NXN: variants seen among roughly 807,000 people sequenced by gnomAD.
NXN encodes nucleoredoxin 1.
A neutral mutation model predicts 48.6 loss-of-function variants in NXN; 16 were observed. The observed-to-expected ratio is 0.33, with a 90% CI of 0.22 to 0.50. The LOEUF (loss-of-function observed/expected upper bound fraction) is 0.50. NXN is among the 20% of genes least tolerant of loss of function. NXN has a pLI of 0.98. For missense variants in NXN, 492 were observed against 605.5 expected (o/e 0.81, Z 1.97); for synonymous variants, 281 against 269.6 (o/e 1.04, Z -0.41).
chr17:801,859 G>C (rs1378439928), intron 7 of NXN, among the ~76,000 whole-genome samples: 1 of 152,238 alleles, frequency 6.6e-6, no homozygotes, highest in Non-Finnish European at 1.5e-5. Context: ...TTTTTAAACA[G>C]AGACAGCTCG....
In NXN at chr17:825,001, G is replaced by A. The variant is rs1351784400; in HGVS notation, c.478+960C>T. 1.3e-5 allele frequency among the ~76,000 whole-genome samples: 2 copies of A among 152,160 alleles called. No individual in the cohort carries two copies. The highest frequency in any genetic ancestry group is 4.8e-5 in the African/African-American group (2 of 41,438). ...TCCCAGCACTTTGGGAGGCCGAGGT[G>A]GGCGGATTGCTTGAGCTCAAAAGTT... is the stretch of plus-strand genomic sequence containing the variant. On this transcript the variant is annotated intron_variant, in intron 2 of 7. Coordinates refer to ENST00000336868, the MANE Select transcript of NXN (RefSeq NM_022463.5). This position sits in a 1 kb window ranked among gnomAD's most constrained non-coding sequence, Gnocchi z 4.1.
chr17:900,837 G>A (rs930697874), intron 1 of NXN, among the ~76,000 whole-genome samples: 2 of 151,936 alleles, frequency 1.3e-5, no homozygotes, highest in Admixed American at 6.6e-5. Flanking sequence ...CAATCTGCAG[G>A]GCTGGAAGCA....
intron 1 of NXN, among the ~76,000 whole-genome samples, chr17:852,633 G>C (rs535902815): frequency 6.6e-6 from 1 of 152,196 alleles, no homozygotes; most frequent in Non-Finnish European, 1.5e-5. Flanking sequence ...GCAGAAAGTA[G>C]GGCTGGGTGG....
intron 1 of NXN, among the ~76,000 whole-genome samples, chr17:880,735 G>C (rs1412262481): frequency 2.6e-5 from 4 of 152,118 alleles, no homozygotes; most frequent in Admixed American, 2.0e-4. Context: ...TTCTCCTAAG[G>C]GGGCAGGGCT....
chr17:967,753 C>T (rs1021896741), intron 1 of NXN, among the ~76,000 whole-genome samples: 10 of 152,076 alleles, frequency 6.6e-5, no homozygotes, highest in South Asian at 2.1e-4. Flanking sequence ...AGGTGGATCA[C>T]GAGGTCAGGA....
At chr17:828,442 C>T (rs1913259801) in intron 1 of NXN, among the ~76,000 whole-genome samples, 1 of 141,658 alleles carries the variant, frequency 7.1e-6, no homozygotes, top group Non-Finnish European at 1.5e-5. Flanking sequence ...TACTCTGTCA[C>T]CCAGGCTAGA....
chr17:912,211 T>C (rs1464057427), intron 1 of NXN, among the ~76,000 whole-genome samples: 1 of 152,138 alleles, frequency 6.6e-6, no homozygotes, highest in African/African-American at 2.4e-5. Flanking sequence ...GTGCTGGGCT[T>C]ATAAGCGTGA....
intron 1 of NXN, among the ~76,000 whole-genome samples, chr17:910,372 G>A (rs920507896): frequency 1.3e-5 from 2 of 150,794 alleles, no homozygotes; most frequent in Non-Finnish European, 2.9e-5. Context: ...AGATCGCGCC[G>A]CTGCACTCCA....
At position 823,377 on chromosome 17, in the gene NXN, T is replaced by C. The variant is rs557901424; in HGVS notation, c.612+255A>G. 6.9e-4 allele frequency among the ~76,000 whole-genome samples: 104 copies of C among 149,928 alleles called. 5 individuals are homozygous for C. The South Asian group carries it at 0.022, about 31-fold the overall frequency. On this transcript the variant is annotated intron_variant, in intron 3 of 7. Transcript: ENST00000336868. The stretch of plus-strand genomic sequence containing the variant: ...TCGCGCCACTGCACTCCAGCCTGGG[T>C]AACAGAGCGAGACTCTGGCTCAGAA...
intron 1 of NXN, among the ~76,000 whole-genome samples, chr17:918,150 T>C (rs1455841978): frequency 6.6e-6 from 1 of 152,108 alleles, no homozygotes; most frequent in Non-Finnish European, 1.5e-5. Context: ...GAACACTCAA[T>C]ATCACCTCCC....
intron 1 of NXN, among the ~76,000 whole-genome samples, chr17:831,559 C>T (rs534570393): frequency 6.6e-6 from 1 of 151,944 alleles, no homozygotes; most frequent in Non-Finnish European, 1.5e-5. Flanking sequence ...CCTCCGCTCA[C>T]TGCAACCTCC....
chr17:810,525 A>G (rs12453831), intron 5 of NXN, among the ~76,000 whole-genome samples: 80,853 of 152,060 alleles, frequency 0.53, 22,099 homozygotes, highest in East Asian at 0.71. Context: ...ACCAATGCCC[A>G]GAATCTGTTC....
chr17:947,876 T>C (rs755093513), intron 1 of NXN, among the ~76,000 whole-genome samples: 41 of 86,980 alleles, frequency 4.7e-4, no homozygotes, highest in Non-Finnish European at 1.1e-3. Flanking sequence ...CCGTCTCTAC[T>C]GAAATACAAA....
At chr17:812,932 G>T (rs1052202047) in intron 5 of NXN, among the ~76,000 whole-genome samples, 1 of 150,468 alleles carries the variant, frequency 6.6e-6, no homozygotes, top group African/African-American at 2.4e-5. Context: ...GTGCGTGTGT[G>T]AGTGTGCATA....
In NXN at chr17:864,373, G is replaced by C. The variant is rs142890911; in HGVS notation, c.361-38295C>G. On this transcript the variant is annotated intron_variant, in intron 1 of 7. Transcript: ENST00000336868. ...CTTAAATTTGCCAAAACGTAGGGGA[G>C]TGCTAGCTTAGATCCATCTGTGTTC... Among the ~76,000 whole-genome samples, 864 of 152,348 alleles carry C rather than the reference G, an allele frequency of 5.7e-3. 7 individuals carry two copies. The highest frequency in any genetic ancestry group is 0.02 in the African/African-American group (828 of 41,574).
rs2069199460 is a variant in NXN, at chr17:958,663, C to A, written c.360+20656G>T. ...GCGTGCGCCTGTAGTCCCAGCTACT[C>A]AGGAGGCTGAGGCAGGAGAATCACC... On this transcript the variant is annotated intron_variant, in intron 1 of 7. Transcript: ENST00000336868. This position sits in a 1 kb window ranked among gnomAD's most constrained non-coding sequence, Gnocchi z 6.9. 6.6e-6 allele frequency among the ~76,000 whole-genome samples: 1 copy of A among 152,082 alleles called. No individual in the cohort carries two copies. Among genetic ancestry groups the A allele is most frequent in the South Asian group, 2.1e-4 (1 of 4,828 alleles).
At chr17:827,511 T>C (rs1913187285) in intron 1 of NXN, among the ~76,000 whole-genome samples, 1 of 152,156 alleles carries the variant, frequency 6.6e-6, no homozygotes, top group Non-Finnish European at 1.5e-5. Context: ...TAGTCCCAGC[T>C]ACTCGGGAGG....
At chr17:936,408 C>G (rs1209482615) in intron 1 of NXN, among the ~76,000 whole-genome samples, 3 of 151,938 alleles carry the variant, frequency 2.0e-5, no homozygotes, top group African/African-American at 7.3e-5. Context: ...TGAGTGTGCA[C>G]CACACACAAC....
At chr17:949,775 G>C (rs1251765052) in intron 1 of NXN, among the ~76,000 whole-genome samples, 3 of 150,988 alleles carry the variant, frequency 2.0e-5, no homozygotes, top group Non-Finnish European at 4.4e-5. Flanking sequence ...GCCTCAGTCT[G>C]GAAAGGGGCA....
Sources: allele counts gnomAD v4.1 joint callset (sites outside exome capture counted in the v4.1 genomes callset), GRCh38; gene constraint gnomAD v4.1.1; non-coding constraint Gnocchi (gnomAD v3.1); transcripts MANE v1.5; gene names NCBI Gene and HGNC (gene_info 2026-07-23, HGNC 2026-07-21).